The following TMTC1 variants were observed in gnomAD, a reference collection of about 807,000 sequenced individuals.
The protein encoded by TMTC1 is protein O-mannosyl-transferase TMTC1.
Under a neutral mutation model 104.8 loss-of-function variants are expected in TMTC1, and 73 were observed. The observed-to-expected ratio is 0.70, with a 90% CI of 0.58 to 0.85. TMTC1 has a LOEUF of 0.85. Ranked by LOEUF, TMTC1 falls within the 40% of genes least tolerant of loss-of-function variation. The probability of loss-of-function intolerance (pLI) is 0.00; values close to 1 mark genes in which losing one functional copy is unlikely to be tolerated. For synonymous variants in TMTC1, 434 were observed against 428.7 expected (o/e 1.01, Z -0.15); for missense variants, 1,035 against 1,096.1 (o/e 0.94, Z 0.79).
chr12:29,526,728 T>A (rs1408543421), intron 11 of TMTC1, among the ~76,000 whole-genome samples: 1 of 152,142 alleles, frequency 6.6e-6, no homozygotes, highest in Non-Finnish European at 1.5e-5. Flanking sequence ...AAATGTATCA[T>A]AATTAAGCAA....
At chr12:29,658,687 C>A in intron 5 of TMTC1, 1 of 214,584 alleles carries the variant, frequency 4.7e-6, no homozygotes, top group South Asian at 8.2e-5. Flanking sequence ...TCAACAATAT[C>A]ACCTTTCTTA....
chr12:29,550,975 C>T (rs1358483145), intron 10 of TMTC1, among the ~76,000 whole-genome samples: 1 of 119,612 alleles, frequency 8.4e-6, no homozygotes, highest in African/African-American at 3.6e-5. Flanking sequence ...AAAAAAAGAG[C>T]AGGGAGACAG....
chr12:29,647,086 A>G (rs10743667), intron 5 of TMTC1, among the ~76,000 whole-genome samples: 152,238 of 152,314 alleles, frequency 1, 76,081 homozygotes, highest in Middle Eastern at 1. Flanking sequence ...ACAGTGGCGC[A>G]ATCTCGGCTC....
At chr12:29,594,523 A>G (rs1230257407) in intron 7 of TMTC1, among the ~76,000 whole-genome samples, 1 of 152,268 alleles carries the variant, frequency 6.6e-6, no homozygotes, top group East Asian at 1.9e-4. Context: ...TAATGAAAAC[A>G]AGACAAAGAA....
chr12:29,676,890 G>A (rs1940746539), intron 5 of TMTC1, among the ~76,000 whole-genome samples: 1 of 152,156 alleles, frequency 6.6e-6, no homozygotes, highest in African/African-American at 2.4e-5. Context: ...TGACAGAGCT[G>A]GCTGGCATGC....
intron 10 of TMTC1, among the ~76,000 whole-genome samples, chr12:29,544,787 A>T (rs1944896784): frequency 6.6e-6 from 1 of 152,208 alleles, no homozygotes; most frequent in South Asian, 2.1e-4. Flanking sequence ...AACTTAATTT[A>T]GTCAGGATTC....
chr12:29,714,222 G>A (rs976482178), intron 5 of TMTC1, among the ~76,000 whole-genome samples: 10 of 152,124 alleles, frequency 6.6e-5, no homozygotes, highest in African/African-American at 1.9e-4. Flanking sequence ...CAAAAATGAC[G>A]TTTTGTTAAA....
chr12:29,643,630 A>ATAT (rs1314894329), intron 5 of TMTC1, among the ~76,000 whole-genome samples: 13 of 26,792 alleles, frequency 4.9e-4, no homozygotes, highest in Non-Finnish European at 7.3e-4. Context: ...TCTATATATT[A>ATAT]TATATATAAT....
chr12:29,511,844 G>A (rs910932100), intron 17 of TMTC1, among the ~76,000 whole-genome samples, 199 bp downstream of exon 17: 1 of 152,150 alleles, frequency 6.6e-6, no homozygotes, highest in Non-Finnish European at 1.5e-5. Context: ...TTTTAAAATA[G>A]CTTCAGGATA....
At position 29,517,427 on chromosome 12, in the gene TMTC1, C is replaced by T. The variant is rs1221500473; in HGVS notation, c.2169G>A (p.Leu723=). The T allele has an allele frequency of 6.2e-7, 1 of 1,614,034 alleles. No homozygotes were observed. The change falls in exon 14 of 18, where the codon CTG becomes CTA. Residue 723 remains leucine, a splice_region_variant and synonymous_variant. Transcript: ENST00000539277. ...QPSQRELRLA[L]AQVLAVMGQT... ...CTTCATTTTCTTTCATCCTACTCACCAGTGCCAAGCGGAGCTCCCTCTGAG... is the reference window on the plus strand; with the variant it reads ...CTTCATTTTCTTTCATCCTACTCACTAGTGCCAAGCGGAGCTCCCTCTGAG...
intron 5 of TMTC1, among the ~76,000 whole-genome samples, chr12:29,652,804 G>C (rs192080482): frequency 6.6e-6 from 1 of 152,332 alleles, no homozygotes; most frequent in African/African-American, 2.4e-5. Flanking sequence ...GCTCACGCCT[G>C]AAATTCCAGC....
chr12:29,775,846 A>G (rs1222054955), intron 1 of TMTC1, among the ~76,000 whole-genome samples: 2 of 152,170 alleles, frequency 1.3e-5, no homozygotes, highest in Non-Finnish European at 1.5e-5. Flanking sequence ...CCCTCACCCT[A>G]TAACCATCTA....
chr12:29,659,801 T>C (rs989317575), intron 5 of TMTC1: 19 of 1,102,030 alleles, frequency 1.7e-5, no homozygotes, highest in Non-Finnish European at 2.4e-5. Flanking sequence ...ATCCTCAATA[T>C]GCAAAGTCAG....
At chr12:29,649,333 A>C (rs1939413462) in intron 5 of TMTC1, among the ~76,000 whole-genome samples, 1 of 152,246 alleles carries the variant, frequency 6.6e-6, no homozygotes. Context: ...CAATTTAATA[A>C]AATCTAAATT....
chr12:29,572,632 G>T (rs1336749652), intron 8 of TMTC1, among the ~76,000 whole-genome samples: 1 of 152,138 alleles, frequency 6.6e-6, no homozygotes, highest in Non-Finnish European at 1.5e-5. Context: ...ACACAACCTT[G>T]CAATTAACAA....
intron 5 of TMTC1, among the ~76,000 whole-genome samples, chr12:29,724,821 C>T (rs1942336739): frequency 1.3e-5 from 2 of 152,090 alleles, no homozygotes; most frequent in Admixed American, 1.3e-4. Flanking sequence ...ACCCAATACA[C>T]AAGGATCTTT....
At chr12:29,517,619 T>C in intron 13 of TMTC1, 48 bp from the exon 14 acceptor site, 1 of 1,609,220 alleles carries the variant, frequency 6.2e-7, no homozygotes, top group Non-Finnish European at 8.5e-7. Flanking sequence ...AATAGGTACA[T>C]TTCCAAATGT....
At chr12:29,755,598 G>C in intron 4 of TMTC1, 111 bp downstream of exon 4, 1 of 897,546 alleles carries the variant, frequency 1.1e-6, no homozygotes, top group East Asian at 2.6e-5. Flanking sequence ...TCTAAGGTGA[G>C]ATGACATTTA....
intron 10 of TMTC1, among the ~76,000 whole-genome samples, chr12:29,544,109 T>C (rs932083665): frequency 3.3e-5 from 5 of 151,748 alleles, no homozygotes; most frequent in African/African-American, 1.2e-4. Flanking sequence ...CTGGGCGTGG[T>C]GGTGGCGCCT....
Sources: gnomAD v4.1 joint callset for allele counts (sites outside exome capture counted in the v4.1 genomes callset) on GRCh38, gnomAD v4.1.1 for gene constraint, MANE v1.5 for transcripts, NCBI Gene and HGNC (gene_info 2026-07-23, HGNC 2026-07-21) for gene names.